Variants in ADCY6 observed in about 807,000 individuals in gnomAD.
ADCY6 encodes the protein adenylate cyclase 6, also known as adenylate cyclase type 6.
A neutral mutation model predicts 111.6 loss-of-function variants in ADCY6; 59 were observed. The observed-to-expected ratio is 0.53, with a 90% CI of 0.43 to 0.66. The LOEUF (loss-of-function observed/expected upper bound fraction) is 0.66. Ranked by LOEUF, ADCY6 falls within the 30% of genes least tolerant of loss-of-function variation. ADCY6 has a pLI of 0.00. For synonymous variants in ADCY6, 576 were observed against 642.9 expected (o/e 0.90, Z 1.57); for missense variants, 1,242 against 1,595.6 (o/e 0.78, Z 3.78).
chr12:48,789,700 G>T (rs1942050031), upstream of ADCY6: 1 of 152,038 alleles, frequency 6.6e-6, no homozygotes, highest in Non-Finnish European at 1.5e-5. Flanking sequence ...GGTGTGTGCG[G>T]CCTGCTTGCC....
In ADCY6 at chr12:48,774,412, A is replaced by G. The variant is rs952187304; in HGVS notation, c.2273T>C (p.Ile758Thr). The G allele has an allele frequency of 6.2e-7, 1 of 1,613,316 alleles. No homozygotes were observed. The highest frequency in any genetic ancestry group is 1.7e-5 in the Admixed American group (1 of 59,996). ...FSVLLVFTSA[I>T]ANMFTCNHTP... ...CCACTGGACCCTTACCATGTTGGCA[A>G]TGGCAGAAGTAAACACAAGCAGGAC... Residue 758 changes from isoleucine (I) to threonine (T), a missense_variant, in exon 14 of 22, where the codon ATT becomes ACT. This residue lies in a region of ADCY6 where 375 missense variants were observed against 432.5 expected (regional missense o/e 0.87). Transcript: ENST00000357869.
chr12:48,787,653 A>G (rs888578742), intron 1 of ADCY6, among the ~76,000 whole-genome samples: 6 of 152,142 alleles, frequency 3.9e-5, no homozygotes, highest in Non-Finnish European at 8.8e-5. Flanking sequence ...GAGCCCTGGG[A>G]GCACAGACCA....
intron 3 of ADCY6, 21 bp downstream of exon 3, chr12:48,778,087 G>A: frequency 1.9e-6 from 3 of 1,595,650 alleles, no homozygotes; most frequent in Non-Finnish European, 2.6e-6. Flanking sequence ...GGCAGGCCCT[G>A]GTCACGGGGA....
intron 15 of ADCY6, 73 bp from the exon 16 acceptor site, chr12:48,773,720 C>T (rs745540010): frequency 6.4e-7 from 1 of 1,574,692 alleles, no homozygotes; most frequent in Admixed American, 1.7e-5. Flanking sequence ...GAGCCCTGCA[C>T]TCTCCTGCCT....
intron 14 of ADCY6, 36 bp downstream of exon 14, chr12:48,774,366 A>G (rs1315864863): frequency 8.9e-6 from 14 of 1,566,562 alleles, no homozygotes; most frequent in Non-Finnish European, 1.2e-5. Context: ...TGCTTGGCAC[A>G]GAGCAGAGGT....
rs763425771 is a variant in ADCY6, at chr12:48,772,521, C to A, written c.2644G>T (p.Asp882Tyr). ...HGLASSNETF[D>Y]GLDCPAAGRV... ...GCCCTCACTTACCAGTCCAGCCCATCAAAGGTCTCATTGGAAGAAGCCCTG... is the reference window on the plus strand; with the variant it reads ...GCCCTCACTTACCAGTCCAGCCCATAAAAGGTCTCATTGGAAGAAGCCCTG... The change falls in exon 17 of 22, where the codon GAT becomes TAT. Residue 882 changes from aspartate (D) to tyrosine (Y), a missense_variant. Physicochemically the swap from Asp to Tyr is radical, Grantham distance 160. Around this residue, in one of 4 missense-constraint regions of ADCY6, gnomAD observed 375 missense variants for 432.5 expected, o/e 0.87. Transcript: ENST00000357869. The A allele has an allele frequency of 5.0e-6, 8 of 1,614,208 alleles. No individual in the cohort carries two copies. The highest frequency in any genetic ancestry group is 6.8e-6 in the Non-Finnish European group (8 of 1,180,044).
At chr12:48,774,252 C>T in intron 14 of ADCY6, 150 bp downstream of exon 14, 2 of 1,077,932 alleles carry the variant, frequency 1.9e-6, no homozygotes, top group Non-Finnish European at 2.7e-6. Flanking sequence ...GTTGGGAGAA[C>T]AAGGAAGGAG....
chr12:48,781,594 C>T (rs1163297494), intron 2 of ADCY6, among the ~76,000 whole-genome samples: 1 of 152,168 alleles, frequency 6.6e-6, no homozygotes, highest in Non-Finnish European at 1.5e-5. Context: ...AACCTCCCTG[C>T]CCCCAGGTGT....
rs115315671 is a variant in ADCY6, at chr12:48,783,022, C to T, written c.413G>A (p.Arg138His). The T allele has an allele frequency of 0.021, 34,167 of 1,613,652 alleles. 491 individuals are homozygous for T. Among genetic ancestry groups the T allele is most frequent in the Non-Finnish European group, 0.024 (28,543 of 1,179,896 alleles). ...CTGGAAGAAGTACCGCTGGTACAGG[C>T]GCTCCAGCTTGGCCGAACGGAACTG... ...SKQFRSAKLE[R>H]LYQRYFFQMN... is the part of the protein sequence containing the mutation. The change falls in exon 2 of 22, where the codon CGC (arginine) becomes CAC (histidine). Residue 138 changes from arginine to histidine, a missense_variant. By Grantham distance (29) the Arg-to-His change is conservative (BLOSUM62 0). This residue lies in a region of ADCY6 where 362 missense variants were observed against 377.2 expected (regional missense o/e 0.96). Coordinates refer to ENST00000357869, the MANE Select transcript of ADCY6 (RefSeq NM_015270.5).
At position 48,783,274 on chromosome 12, in the gene ADCY6, C is replaced by G; in HGVS notation, c.161G>C (p.Ser54Thr). 6.2e-7 allele frequency: 1 copy of G among 1,611,822 alleles called. No individual in the cohort carries two copies. The highest frequency in any genetic ancestry group is 8.5e-7 in the Non-Finnish European group (1 of 1,179,390). The change falls in exon 2 of 22, where the codon AGC (serine) becomes ACC (threonine). Residue 54 changes from serine (S) to threonine (T), a missense_variant. Ser to Thr is a moderately conservative substitution (Grantham distance 58). Around this residue, in one of 4 missense-constraint regions of ADCY6, gnomAD observed 362 missense variants for 377.2 expected, o/e 0.96. Coordinates refer to ENST00000357869, the MANE Select transcript of ADCY6 (RefSeq NM_015270.5). ...CCGAGGGGGGCCCGCAGGGGTGGGG[C>G]TGGGTGGCTCTGCATCCCGGAGGCA... ...MSCLRDAEPPSPTPAGPPRCP... is the reference protein window; with the variant it reads ...MSCLRDAEPPTPTPAGPPRCP...
Position 48,771,469 on chromosome 12 carries a change from C to T in ADCY6, c.3051+241G>A. The stretch of plus-strand genomic sequence containing the variant: ...ACCTGGTACCTATCCTATCCCCCTA[C>T]AGATCAAGTCCTCCCCTGCTCCCCA... On this transcript the variant is annotated intron_variant, in intron 19 of 21. Coordinates refer to ENST00000357869, the MANE Select transcript of ADCY6 (RefSeq NM_015270.5). This position sits in a 1 kb window ranked among gnomAD's most constrained non-coding sequence, Gnocchi z 4.3. 1 of 639,540 alleles carries T rather than the reference C, an allele frequency of 1.6e-6. No homozygotes were observed. Among genetic ancestry groups the T allele is most frequent in the Non-Finnish European group, 2.8e-6 (1 of 355,370 alleles). The allele number at this position is 639,540 out of a possible 1,614,324, so 39.6% of individuals were successfully genotyped here. A position where few individuals can be genotyped will look rare whatever the true frequency, so the allele number is the denominator to read the frequency against.
chr12:48,768,876 G>GAC, intron 21 of ADCY6, 61 bp downstream of exon 21: 1 of 1,564,580 alleles, frequency 6.4e-7, no homozygotes. Flanking sequence ...AGACTGCAGA[G>GAC]ACACCTGTGG....
Position 48,782,526 on chromosome 12 carries a change from A to G in ADCY6, c.864+45T>C. On this transcript the variant is annotated intron_variant, in intron 2 of 21. Coordinates refer to ENST00000357869, the MANE Select transcript of ADCY6 (RefSeq NM_015270.5). This position sits in a 1 kb window ranked among gnomAD's most constrained non-coding sequence, Gnocchi z 4.3. The stretch of plus-strand genomic sequence containing the variant: ...CCCCCACCTGCTTATGAGGTGAGAA[A>G]TTCCCCACCTGCTGCCCTCCATCCC... The G allele has an allele frequency of 3.8e-6, 6 of 1,565,736 alleles. No homozygotes were observed. Among genetic ancestry groups the G allele is most frequent in the Non-Finnish European group, 5.2e-6 (6 of 1,156,282 alleles).
At chr12:48,781,284 C>A (rs1565650367) in intron 2 of ADCY6, among the ~76,000 whole-genome samples, 1 of 152,022 alleles carries the variant, frequency 6.6e-6, no homozygotes, top group Non-Finnish European at 1.5e-5. Context: ...TGCCAGAGAA[C>A]CTAGCTTCTC....
intron 21 of ADCY6, 101 bp downstream of exon 21, chr12:48,768,836 G>A (rs1361978342): frequency 2.6e-6 from 4 of 1,550,454 alleles, no homozygotes; most frequent in Non-Finnish European, 3.5e-6. Context: ...ACCATACACA[G>A]AACACTAGCC....
chr12:48,789,926 G>A (rs1242310636), upstream of ADCY6: 2 of 152,292 alleles, frequency 1.3e-5, no homozygotes, highest in Admixed American at 6.5e-5. Flanking sequence ...TCTGCTGGGG[G>A]TTGGAGGGGC....
At chr12:48,768,908 C>T in intron 21 of ADCY6, 29 bp downstream of exon 21, 6 of 1,589,348 alleles carry the variant, frequency 3.8e-6, no homozygotes, top group Non-Finnish European at 5.1e-6. Context: ...GCCCATGTTC[C>T]TCCCAGCCCC....
intron 1 of ADCY6, among the ~76,000 whole-genome samples, chr12:48,788,640 G>A (rs1942026083): frequency 2.6e-5 from 4 of 152,000 alleles, no homozygotes; most frequent in Non-Finnish European, 4.4e-5. Flanking sequence ...CCTGGCCTCC[G>A]GGCCAGCCTG....
chr12:48,768,937 C>T lies in ADCY6; in HGVS notation c.3381G>A (p.Gln1127=). 1.2e-6 allele frequency: 2 copies of T among 1,608,748 alleles called. No homozygotes were observed. The highest frequency in any genetic ancestry group is 1.7e-6 in the Non-Finnish European group (2 of 1,177,336). Reference sequence around the variant, plus strand: ...CAGCCCCTGCTCATATCCCCCTCACCTGGATTCGGTCGGGGACCCCCGTGC... The same window carrying T: ...CAGCCCCTGCTCATATCCCCCTCACTTGGATTCGGTCGGGGACCCCCGTGC... ...MDSTGVPDRI[Q]VTTDLYQVLA... is the part of the protein sequence containing the mutation. The change falls in exon 21 of 22, where the codon CAG becomes CAA. Residue 1127 remains glutamine, a splice_region_variant and synonymous_variant. Coordinates refer to ENST00000357869, the MANE Select transcript of ADCY6 (RefSeq NM_015270.5).
Sources: allele counts gnomAD v4.1 joint callset (sites outside exome capture counted in the v4.1 genomes callset), GRCh38; gene constraint gnomAD v4.1.1; regional missense constraint gnomAD v4.1.1; non-coding constraint Gnocchi (gnomAD v3.1); transcripts MANE v1.5; gene names NCBI Gene and HGNC (gene_info 2026-07-23, HGNC 2026-07-21).